SH3TC2: variants seen among roughly 807,000 people sequenced by gnomAD.
SH3TC2 encodes the protein SH3 domain and tetratricopeptide repeats 2, also known as SH3 domain and tetratricopeptide repeat-containing protein 2.
In SH3TC2, 87 loss-of-function variants were observed where a neutral mutation model predicts 124.5. That is an observed-to-expected ratio of 0.70 (90% confidence interval 0.59 to 0.84). The LOEUF (loss-of-function observed/expected upper bound fraction) is 0.84. Among genes scored for constraint, SH3TC2 ranks in the 40% least tolerant of loss-of-function variants. The pLI, the probability that SH3TC2 is intolerant of heterozygous loss-of-function variation, is 0.00. For missense variants in SH3TC2, 1,536 were observed against 1,566.4 expected, an observed-to-expected ratio of 0.98 and a Z score of 0.33; for synonymous variants, 634 against 628.5, an observed-to-expected ratio of 1.01 and a Z score of -0.13.
intron 15 of SH3TC2, chr5:149,007,702 T>G (rs1753714213): frequency 6.1e-6 from 1 of 162,790 alleles, no homozygotes; most frequent in Non-Finnish European, 1.4e-5. Flanking sequence ...GACTTGTTGT[T>G]TGGTGGATTT....
At position 149,004,783 on chromosome 5, in the gene SH3TC2, C is replaced by G. The variant is rs144873879; in HGVS notation, c.3795G>C (p.Leu1265=). The G allele has an allele frequency of 1.9e-3, 3,002 of 1,614,148 alleles. 5 individuals carry two copies. The highest frequency in any genetic ancestry group is 2.3e-3 in the Non-Finnish European group (2,662 of 1,180,028). The change falls in exon 17 of 17, where the codon CTG becomes CTC. Residue 1265 remains leucine (L), a synonymous_variant. Coordinates refer to ENST00000515425, the MANE Select transcript of SH3TC2 (RefSeq NM_024577.4). ...SRLDNICQSP[L]WHSRPSGCSS... ...AGCACCCGGAGGGCCTGCTGTGCCACAGGGGGCTCTGGCAGATGTTGTCCA... is the reference window on the plus strand; with the variant it reads ...AGCACCCGGAGGGCCTGCTGTGCCAGAGGGGGCTCTGGCAGATGTTGTCCA...
chr5:148,998,423 T>A lies in SH3TC2; in HGVS notation c.*6288A>T, dbSNP rs1753545394. Among the ~76,000 whole-genome samples, 1 of 152,230 alleles carries A rather than the reference T, an allele frequency of 6.6e-6. No individual in the cohort carries two copies. The highest frequency in any genetic ancestry group is 1.5e-5 in the Non-Finnish European group (1 of 68,038). On this transcript the variant is annotated 3_prime_UTR_variant, in exon 17 of 17. Coordinates refer to ENST00000515425, the MANE Select transcript of SH3TC2 (RefSeq NM_024577.4). ...AGCAATGGATTAGCCTGTCTTCTCATTAGCCATGTGACTTCAACCATCCTC... is the reference window on the plus strand; with the variant it reads ...AGCAATGGATTAGCCTGTCTTCTCAATAGCCATGTGACTTCAACCATCCTC...
intron 14 of SH3TC2, 57 bp downstream of exon 14, chr5:149,010,213 A>G (rs1561758064): frequency 6.2e-7 from 1 of 1,613,138 alleles, no homozygotes; most frequent in East Asian, 2.2e-5. Flanking sequence ...GTCCAGCCTG[A>G]CCCTTCCCAT....
Position 148,990,583 on chromosome 5 carries a change from C to T in SH3TC2, c.*14128G>A, listed in dbSNP as rs1332061738. Among the ~76,000 whole-genome samples, 1 of 152,160 alleles carries T rather than the reference C, an allele frequency of 6.6e-6. No individual in the cohort carries two copies. The highest frequency in any genetic ancestry group is 1.5e-5 in the Non-Finnish European group (1 of 68,036). ...CCCCTGCTACTCACAAGCTATTGGA[C>T]CTCAAACAAGTTACTGAACTTCTCC... On this transcript the variant is annotated 3_prime_UTR_variant, in exon 17 of 17. Coordinates refer to ENST00000515425, the MANE Select transcript of SH3TC2 (RefSeq NM_024577.4).
intron 13 of SH3TC2, among the ~76,000 whole-genome samples, chr5:149,011,834 A>T (rs1045221675): frequency 1.9e-4 from 29 of 152,370 alleles, no homozygotes; most frequent in African/African-American, 6.5e-4. Context: ...ATATCACCAC[A>T]GTATTTAACA....
At chr5:149,038,983 T>C (rs904207398) in intron 7 of SH3TC2, among the ~76,000 whole-genome samples, 1 of 152,148 alleles carries the variant, frequency 6.6e-6, no homozygotes, top group Non-Finnish European at 1.5e-5. Context: ...AACTGGAAAA[T>C]GGGGATAATA....
rs975481217 is a variant in SH3TC2, at chr5:149,000,415, G to A, written c.*4296C>T. On this transcript the variant is annotated 3_prime_UTR_variant, in exon 17 of 17. Transcript: ENST00000515425. ...ATGCCAGATAAGGCCTAGGCTGGGT[G>A]CTTGCAATGAGCAACAGGACCTAGC... 6.6e-6 allele frequency among the ~76,000 whole-genome samples: 1 copy of A among 152,170 alleles called. No individual in the cohort carries two copies. Among genetic ancestry groups the A allele is most frequent in the Non-Finnish European group, 1.5e-5 (1 of 68,034 alleles).
At chr5:149,016,794 G>A (rs1043899860) in intron 12 of SH3TC2, among the ~76,000 whole-genome samples, 1 of 151,868 alleles carries the variant, frequency 6.6e-6, no homozygotes, top group Admixed American at 6.6e-5. Context: ...GCGTGGTGGC[G>A]GGCGCCTGTA....
At position 149,010,358 on chromosome 5, in the gene SH3TC2, G is replaced by A; in HGVS notation, c.3239C>T (p.Pro1080Leu). ...TTCATAAAGTTTGAGAGCCAGCAAAGGCTCCTCTGACTTCAGGGCTGTCTG... is the reference window on the plus strand; with the variant it reads ...TTCATAAAGTTTGAGAGCCAGCAAAAGCTCCTCTGACTTCAGGGCTGTCTG... ...AIQTALKSEEPLLALKLYEEA... is the reference protein window; with the variant it reads ...AIQTALKSEELLLALKLYEEA... The change falls in exon 14 of 17, where the codon CCT (proline) becomes CTT (leucine). Residue 1080 changes from proline to leucine, a missense_variant. Physicochemically the swap from Pro to Leu is moderately conservative, Grantham distance 98 (BLOSUM62 -3). Transcript: ENST00000515425. The A allele has an allele frequency of 6.2e-7, 1 of 1,613,908 alleles. No homozygotes were observed. Among genetic ancestry groups the A allele is most frequent in the Non-Finnish European group, 8.5e-7 (1 of 1,180,016 alleles).
At chr5:149,016,428 T>C (rs369770418) in intron 12 of SH3TC2, among the ~76,000 whole-genome samples, 2 of 139,786 alleles carry the variant, frequency 1.4e-5, no homozygotes, top group South Asian at 4.1e-4. Flanking sequence ...TGAACAAAGT[T>C]TTCTCATGTG....
chr5:149,021,348 A>T (rs918522571), intron 12 of SH3TC2, among the ~76,000 whole-genome samples: 7 of 152,130 alleles, frequency 4.6e-5, no homozygotes, highest in Non-Finnish European at 1.0e-4. Context: ...TCTCAAATCA[A>T]TACCTAATAT....
rs571249769 is a variant in SH3TC2, at chr5:148,991,641, G to A, written c.*13070C>T. 1.6e-4 allele frequency among the ~76,000 whole-genome samples: 24 copies of A among 152,306 alleles called. No homozygotes were observed. In the South Asian group the frequency reaches 4.6e-3, roughly 29 times the overall value. On this transcript the variant is annotated 3_prime_UTR_variant, in exon 17 of 17. Transcript: ENST00000515425. ...CTGGGTGGTTGAAATGCTTGCTCTG[G>A]GAGGGGTGGCCAGTCAGCTGGGGTC...
At chr5:149,040,752 A>C (rs1279608776) in intron 6 of SH3TC2, 75 bp from the exon 7 acceptor site, 3 of 1,202,792 alleles carry the variant, frequency 2.5e-6, no homozygotes, top group East Asian at 4.7e-5. Flanking sequence ...GTCTATCAGA[A>C]TAATGATGAT....
chr5:149,021,517 T>C (rs1384572362), intron 12 of SH3TC2, among the ~76,000 whole-genome samples: 3 of 151,572 alleles, frequency 2.0e-5, no homozygotes, highest in Non-Finnish European at 4.4e-5. Flanking sequence ...TAATGACAGA[T>C]CTCTGGCTAG....
chr5:149,040,829 C>T (rs1485219101), intron 6 of SH3TC2, 152 bp from the exon 7 acceptor site: 6 of 753,454 alleles, frequency 8.0e-6, no homozygotes, highest in Admixed American at 2.1e-5. Context: ...TTACTTTCTA[C>T]CAGGACCTGT....
At chr5:149,043,408 T>C (rs1028585850) in intron 4 of SH3TC2, among the ~76,000 whole-genome samples, 1 of 152,188 alleles carries the variant, frequency 6.6e-6, no homozygotes, top group African/African-American at 2.4e-5. Flanking sequence ...TAATTATATA[T>C]AGTATTTTAA....
chr5:149,043,618 AAGGTCTGAGAT>A (rs1479364286), intron 4 of SH3TC2: 2 of 151,996 alleles, frequency 1.3e-5, no homozygotes, highest in Non-Finnish European at 2.9e-5. Flanking sequence ...ATGCTTAGTA[AAGGTCTGAGAT>A]AGGGTTGAGC....
intron 12 of SH3TC2, among the ~76,000 whole-genome samples, chr5:149,015,318 G>A (rs1171164841): frequency 6.6e-6 from 1 of 152,158 alleles, no homozygotes; most frequent in Non-Finnish European, 1.5e-5. Context: ...AGCTTCCTTG[G>A]TTCCTTCCTA....
rs1233212049 is a variant in SH3TC2 at position 148,994,793 on chromosome 5, C to T, written c.*9918G>A. Among the ~76,000 whole-genome samples, 2 of 151,900 alleles carry T rather than the reference C, an allele frequency of 1.3e-5. No homozygotes were observed. The highest frequency in any genetic ancestry group is 4.8e-5 in the African/African-American group (2 of 41,340). On this transcript the variant is annotated 3_prime_UTR_variant, in exon 17 of 17. Coordinates refer to ENST00000515425, the MANE Select transcript of SH3TC2 (RefSeq NM_024577.4). ...ATGGATAACCGTCTGCATCCTCTGT[C>T]CCAAAGGAGCTAAACTCAGACTTTT... is the stretch of plus-strand genomic sequence containing the variant.
Sources: allele counts gnomAD v4.1 joint callset (sites outside exome capture counted in the v4.1 genomes callset), GRCh38; gene constraint gnomAD v4.1.1; transcripts MANE v1.5; gene names NCBI Gene and HGNC (gene_info 2026-07-23, HGNC 2026-07-21).